MMEL1: variants seen among roughly 807,000 people sequenced by gnomAD.
MMEL1 encodes the protein membrane metallo-endopeptidase-like 1.
A neutral mutation model predicts 117.1 loss-of-function variants in MMEL1; 98 were observed. The ratio of observed to expected loss-of-function variants is 0.84; its 90% CI spans 0.71 to 0.99. The LOEUF is 0.99. Ranked by LOEUF, MMEL1 falls within the 50% of genes least tolerant of loss-of-function variation. MMEL1 has a pLI of 0.00. For missense variants in MMEL1, 1,014 were observed against 1,049.1 expected (o/e 0.97, Z 0.46); for synonymous variants, 390 against 415.1 (o/e 0.94, Z 0.74).
In MMEL1 at chr1:2,595,992, C is replaced by T. The variant is rs772499612; in HGVS notation, c.1500+17G>A. On this transcript the variant is annotated intron_variant, in intron 15 of 23. Transcript: ENST00000378412. This position sits in a 1 kb window ranked among gnomAD's most constrained non-coding sequence, Gnocchi z 4.8. ...CAGATCCAGTCGGGGCTGCCCTGAC[C>T]TCTGCGAGCCACATACCTTCTCCTG... is the stretch of plus-strand genomic sequence containing the variant. 48 of 1,610,932 alleles carry T rather than the reference C, an allele frequency of 3.0e-5. No individual in the cohort carries two copies. The highest frequency in any genetic ancestry group is 4.0e-5 in the African/African-American group (3 of 74,840).
rs1478129559 is a variant in MMEL1, at chr1:2,595,329, G to A, written c.1531C>T (p.Pro511Ser). 3.7e-6 allele frequency: 6 copies of A among 1,613,900 alleles called. No individual in the cohort carries two copies. The Admixed American group carries it at 1.0e-4, about 27-fold the overall frequency. Residue 511 changes from proline to serine, a missense_variant, in exon 16 of 24, where the codon CCT becomes TCT. By Grantham distance (74) the Pro-to-Ser change is moderately conservative. Transcript: ENST00000378412. The surrounding 1 kb of genome is among the most constrained non-coding windows in gnomAD (Gnocchi z 4.8). ...TTCATCTCCTCCAGGATGTAGTCAG[G>A]GTGCCCGATCTGCTCCCGGATGCTC... is the stretch of plus-strand genomic sequence containing the variant. Reference protein sequence around the residue: ...AMSIREQIGHPDYILEEMNRR... With the variant: ...AMSIREQIGHSDYILEEMNRR...
At chr1:2,623,888 CCT>C (rs1441328520) in intron 2 of MMEL1, among the ~76,000 whole-genome samples, 6 of 152,302 alleles carry the variant, frequency 3.9e-5, no homozygotes, top group African/African-American at 1.2e-4. Flanking sequence ...AGGCAAATCC[CCT>C]GTTCTGTAGG....
chr1:2,632,843 T>TA, intron 1 of MMEL1, 23 bp downstream of exon 1: 1 of 985,332 alleles, frequency 1.0e-6, no homozygotes, highest in Non-Finnish European at 1.2e-6. Flanking sequence ...GCAGGCCGGG[T>TA]ACCTTCCTTC....
intron 2 of MMEL1, among the ~76,000 whole-genome samples, chr1:2,613,704 G>A (rs948735809): frequency 6.6e-6 from 1 of 151,908 alleles, no homozygotes; most frequent in Non-Finnish European, 1.5e-5. Flanking sequence ...TGGCAAGGAC[G>A]TTCAAGCATG....
chr1:2,607,351 G>A (rs1043453518), intron 6 of MMEL1, among the ~76,000 whole-genome samples: 5 of 152,142 alleles, frequency 3.3e-5, no homozygotes, highest in Non-Finnish European at 7.4e-5. Flanking sequence ...GGGGGACAAA[G>A]AGGATGATGG....
intron 3 of MMEL1, among the ~76,000 whole-genome samples, chr1:2,611,838 T>C (rs1645134610): frequency 6.6e-6 from 1 of 152,122 alleles, no homozygotes; most frequent in Admixed American, 6.5e-5. Context: ...TTGCTGCCCC[T>C]CTCTGCATGC....
At chr1:2,596,241 G>T in intron 14 of MMEL1, 134 bp from the exon 15 acceptor site, 2 of 816,908 alleles carry the variant, frequency 2.4e-6, no homozygotes, top group Non-Finnish European at 4.0e-6. Context: ...GGCCTCTCAG[G>T]TGAGGTGTGG....
At chr1:2,603,466 C>T (rs1024900117) in intron 11 of MMEL1, among the ~76,000 whole-genome samples, 18 of 152,114 alleles carry the variant, frequency 1.2e-4, no homozygotes, top group Admixed American at 9.2e-4. Flanking sequence ...GAGGGTGTGG[C>T]CAGGGGGAAC....
At chr1:2,606,897 A>C (rs1645037588) in intron 7 of MMEL1, 77 bp downstream of exon 7, 1 of 1,348,750 alleles carries the variant, frequency 7.4e-7, no homozygotes, top group Non-Finnish European at 1.0e-6. Flanking sequence ...CCCCTCCTGG[A>C]AGGCCTCAGA....
rs1022747325 is a variant in MMEL1, at chr1:2,595,578, C to T, written c.1501-219G>A. Among the ~76,000 whole-genome samples the T allele has an allele frequency of 1.3e-5, 2 of 152,112 alleles. No homozygotes were observed. The highest frequency in any genetic ancestry group is 4.8e-5 in the African/African-American group (2 of 41,410). ...GGGGACAGAATATGGAAGGCTCCGC[C>T]CACCTGACCTAGAGCCCAACAGCCC... On this transcript the variant is annotated intron_variant, in intron 15 of 23. Coordinates refer to ENST00000378412, the MANE Select transcript of MMEL1 (RefSeq NM_033467.4). This position sits in a 1 kb window ranked among gnomAD's most constrained non-coding sequence, Gnocchi z 4.8.
chr1:2,629,813 T>G, intron 1 of MMEL1: 2 of 208,582 alleles, frequency 9.6e-6, no homozygotes, highest in Non-Finnish European at 1.8e-5. Context: ...GGGACTCCTG[T>G]AGTGGAGCCC....
At chr1:2,631,136 G>A (rs1570727137) in intron 1 of MMEL1, among the ~76,000 whole-genome samples, 1 of 152,180 alleles carries the variant, frequency 6.6e-6, no homozygotes, top group Non-Finnish European at 1.5e-5. Context: ...CACATCCCTC[G>A]CTGGCACTCG....
chr1:2,614,905 C>A (rs1334172969), intron 2 of MMEL1, among the ~76,000 whole-genome samples: 2 of 151,444 alleles, frequency 1.3e-5, no homozygotes, highest in Non-Finnish European at 2.9e-5. Context: ...GTGCTCCCCC[C>A]CAAAAAACTC....
chr1:2,595,233 C>T lies in MMEL1; in HGVS notation c.1584+43G>A. 6.4e-7 allele frequency: 1 copy of T among 1,566,402 alleles called. No individual in the cohort carries two copies. The highest frequency in any genetic ancestry group is 1.7e-5 in the Admixed American group (1 of 59,368). ...GCCCCCAGGCAATCAGGGCCCATGT[C>T]CACGGTGTGGGGGGCAGTTTAGGGC... On this transcript the variant is annotated intron_variant, in intron 16 of 23. Transcript: ENST00000378412. This position sits in a 1 kb window ranked among gnomAD's most constrained non-coding sequence, Gnocchi z 4.8.
intron 12 of MMEL1, 44 bp downstream of exon 12, chr1:2,598,610 G>T (rs1370894979): frequency 1.2e-6 from 2 of 1,609,960 alleles, no homozygotes; most frequent in Admixed American, 3.3e-5. Context: ...GGGAGAGCAG[G>T]GGCAAAGATG....
chr1:2,606,194 C>A, intron 8 of MMEL1, 54 bp downstream of exon 8: 1 of 1,425,260 alleles, frequency 7.0e-7, no homozygotes, highest in Non-Finnish European at 9.9e-7. Flanking sequence ...CTGCAAGAGC[C>A]CCCAGCCAGG....
intron 6 of MMEL1, among the ~76,000 whole-genome samples, chr1:2,607,464 G>A (rs1645048264): frequency 6.6e-6 from 1 of 151,856 alleles, no homozygotes; most frequent in Middle Eastern, 3.4e-3. Context: ...CTCAGGCAGC[G>A]GTGGGTGGGC....
In MMEL1 at chr1:2,619,582, C is replaced by T. The variant is rs984757275; in HGVS notation, c.155-7378G>A. Among the ~76,000 whole-genome samples, 5 of 150,402 alleles carry T rather than the reference C, an allele frequency of 3.3e-5. No individual in the cohort carries two copies. The Admixed American group carries it at 3.3e-4, about 10-fold the overall frequency. The stretch of plus-strand genomic sequence containing the variant: ...CTGAGGCATGAGAATCACTTGAATC[C>T]AGGAGGCAGAGGTTGCATGGATCCA... On this transcript the variant is annotated intron_variant, in intron 2 of 23. Transcript: ENST00000378412.
intron 2 of MMEL1, 31 bp downstream of exon 2, chr1:2,629,300 G>C (rs1390046634): frequency 6.6e-7 from 1 of 1,514,456 alleles, no homozygotes; most frequent in Non-Finnish European, 8.8e-7. Flanking sequence ...GCGGGCACGG[G>C]GACAGGCGGG....
Sources: allele counts gnomAD v4.1 joint callset (sites outside exome capture counted in the v4.1 genomes callset), GRCh38; gene constraint gnomAD v4.1.1; non-coding constraint Gnocchi (gnomAD v3.1); transcripts MANE v1.5; gene names NCBI Gene and HGNC (gene_info 2026-07-23, HGNC 2026-07-21).